ADGRV1: variants seen among roughly 807,000 people sequenced by gnomAD.
ADGRV1 encodes the protein G-protein coupled receptor 98.
ADGRV1 carries 359 observed loss-of-function variants against 596.2 expected under a neutral mutation model. That is an observed-to-expected ratio of 0.60 (90% CI 0.55 to 0.66). The LOEUF is 0.66. Ranked by LOEUF, ADGRV1 falls within the 30% of genes least tolerant of loss-of-function variation. The pLI, the probability that ADGRV1 is intolerant of heterozygous loss-of-function variation, is 0.00. For missense variants in ADGRV1, 7,274 were observed against 7,575.6 expected (o/e 0.96, Z 1.48); for synonymous variants, 2,681 against 2,679.2 (o/e 1.00, Z -0.02).
chr5:90,685,978 C>A lies in ADGRV1; in HGVS notation c.6473C>A (p.Pro2158Gln). The part of the protein sequence containing the change: ...ADVSVKFKAV[P>Q]ITAIAGEDYS... ...GTCTCTGTGAAGTTTAAAGCTGTGCCAATAACTGCAATAGCTGGTAAGAAA... is the reference window on the plus strand; with the variant it reads ...GTCTCTGTGAAGTTTAAAGCTGTGCAAATAACTGCAATAGCTGGTAAGAAA... Residue 2158 changes from proline to glutamine, a missense_variant, in exon 29 of 90, where the codon CCA becomes CAA. Pro to Gln is a moderately conservative substitution (Grantham distance 76). Around this residue, in one of 5 missense-constraint regions of ADGRV1, gnomAD observed 3,643 missense variants for 3,809.2 expected, o/e 0.96. Transcript: ENST00000405460. 6.3e-7 allele frequency: 1 copy of A among 1,580,682 alleles called. No homozygotes were observed. The highest frequency in any genetic ancestry group is 8.6e-7 in the Non-Finnish European group (1 of 1,160,240).
At chr5:90,637,995 C>G (rs910866783) in intron 11 of ADGRV1, 47 bp downstream of exon 11, 2 of 1,322,960 alleles carry the variant, frequency 1.5e-6, no homozygotes, top group Non-Finnish European at 2.1e-6. Context: ...TGTTTGAGTT[C>G]TCTTCAATAA....
chr5:90,941,551 C>A (rs1021946762), intron 83 of ADGRV1, among the ~76,000 whole-genome samples: 1 of 152,164 alleles, frequency 6.6e-6, no homozygotes, highest in Non-Finnish European at 1.5e-5. Context: ...TTAAAACCTG[C>A]TGGATGGTTT....
intron 83 of ADGRV1, among the ~76,000 whole-genome samples, chr5:90,951,737 A>C (rs1777076125): frequency 6.6e-6 from 1 of 152,198 alleles, no homozygotes; most frequent in South Asian, 2.1e-4. Context: ...ATGTTTATTC[A>C]ACAACTATAT....
chr5:91,122,807 G>T (rs1387763929), intron 87 of ADGRV1, among the ~76,000 whole-genome samples: 1 of 152,106 alleles, frequency 6.6e-6, no homozygotes, highest in Non-Finnish European at 1.5e-5. Flanking sequence ...CCCCCTCTCC[G>T]CTACTCTCTA....
At chr5:90,881,759 C>T (rs1386968400) in intron 83 of ADGRV1, among the ~76,000 whole-genome samples, 1 of 152,060 alleles carries the variant, frequency 6.6e-6, no homozygotes, top group South Asian at 2.1e-4. Flanking sequence ...AGATCTTGCT[C>T]TATTGGTCAG....
At position 90,813,132 on chromosome 5, in the gene ADGRV1, C is replaced by CAAAAAAAAAAAAAAAAAAAAAAAA. The variant is rs5869522; in HGVS notation, c.16078+1803_16078+1826dup. 1.1e-4 allele frequency among the ~76,000 whole-genome samples: 4 copies of CAAAAAAAAAAAAAAAAAAAAAAAA among 34,922 alleles called. 1 individual carries two copies. Among genetic ancestry groups the CAAAAAAAAAAAAAAAAAAAAAAAA allele is most frequent in the South Asian group, 4.0e-3 (2 of 500 alleles). 22.9% of individuals were successfully genotyped at this position (34,922 alleles called of 152,430 possible). On this transcript the variant is annotated intron_variant, in intron 74 of 89. Coordinates refer to ENST00000405460, the MANE Select transcript of ADGRV1 (RefSeq NM_032119.4). ...TGGGCGACAGAGTAAGACTCCGTCT[C>CAAAAAAAAAAAAAAAAAAAAAAAA]AAAAAAAAAAAAAAAAAAAAAAAAA... is the stretch of plus-strand genomic sequence containing the variant.
intron 50 of ADGRV1, among the ~76,000 whole-genome samples, chr5:90,739,486 G>A (rs1292845071): frequency 6.6e-6 from 1 of 152,204 alleles, no homozygotes; most frequent in Non-Finnish European, 1.5e-5. Flanking sequence ...GGTTGGGTTA[G>A]TTGGTAGTGA....
At chr5:91,105,435 A>G (rs994273826) in intron 87 of ADGRV1, among the ~76,000 whole-genome samples, 1 of 152,160 alleles carries the variant, frequency 6.6e-6, no homozygotes, top group Non-Finnish European at 1.5e-5. Context: ...TAGTGGTTGT[A>G]CTAGTTTATA....
chr5:91,039,039 A>G (rs1387231895), intron 85 of ADGRV1, among the ~76,000 whole-genome samples: 1 of 152,210 alleles, frequency 6.6e-6, no homozygotes, highest in African/African-American at 2.4e-5. Flanking sequence ...AGATATTCTG[A>G]ATATATAGTT....
intron 87 of ADGRV1, among the ~76,000 whole-genome samples, chr5:91,137,907 G>A (rs905839383): frequency 6.6e-6 from 1 of 152,184 alleles, no homozygotes; most frequent in Admixed American, 6.5e-5. Flanking sequence ...TAAATTGCTG[G>A]CTGGTTAGAA....
chr5:90,776,304 G>A (rs552114836), intron 60 of ADGRV1, 149 bp from the exon 61 acceptor site: 209 of 768,702 alleles, frequency 2.7e-4, no homozygotes, highest in Non-Finnish European at 4.2e-4. Context: ...CAGAGTCATA[G>A]GTAAAATGAG....
intron 83 of ADGRV1, among the ~76,000 whole-genome samples, chr5:90,867,991 A>G (rs1463434763): frequency 1.3e-5 from 2 of 152,150 alleles, no homozygotes; most frequent in African/African-American, 2.4e-5. Flanking sequence ...TTTTCAGTAG[A>G]ACATTTATGA....
chr5:90,982,869 A>C (rs1780196701), intron 84 of ADGRV1, among the ~76,000 whole-genome samples: 1 of 152,194 alleles, frequency 6.6e-6, no homozygotes, highest in African/African-American at 2.4e-5. Flanking sequence ...AGGGTTTGGA[A>C]AAGGGCTGCT....
At position 90,653,210 on chromosome 5, in the gene ADGRV1, T is replaced by C. The variant is rs1177279775; in HGVS notation, c.3636T>C (p.Gly1212=). 8 of 1,601,990 alleles carry C rather than the reference T, an allele frequency of 5.0e-6. No homozygotes were observed. The East Asian group carries it at 1.8e-4, about 36-fold the overall frequency. The change falls in exon 20 of 90, where the codon GGT becomes GGC. Residue 1212 remains glycine (G), a splice_region_variant and synonymous_variant. Coordinates refer to ENST00000405460, the MANE Select transcript of ADGRV1 (RefSeq NM_032119.4). ...CACTCATAAATTTTCTTGTTACAGG[T>C]GGATCCCCAGGTCCTGGGGGCCAGC... ...FYFLKLVNIS[G]GSPGPGGQLA... is the part of the protein sequence containing the mutation.
rs1036615844 is a variant in ADGRV1, at chr5:90,753,908, T to TA, written c.11377+82dup. On this transcript the variant is annotated intron_variant, in intron 54 of 89. Transcript: ENST00000405460. ...TTAATTCTAATATTTATAAGGAATGTAAATTTCTCTTTTTATATGACTTTT... is the reference window on the plus strand; with the variant it reads ...TTAATTCTAATATTTATAAGGAATGTAAAATTTCTCTTTTTATATGACTTTT... 6 of 1,347,538 alleles carry TA rather than the reference T, an allele frequency of 4.5e-6. No homozygotes were observed. In the African/African-American group the frequency reaches 7.4e-5, roughly 17 times the overall value. 83.5% of individuals were successfully genotyped at this position (1,347,538 alleles called of 1,614,324 possible).
At chr5:91,020,618 A>G (rs1385875463) in intron 85 of ADGRV1, among the ~76,000 whole-genome samples, 1 of 152,030 alleles carries the variant, frequency 6.6e-6, no homozygotes, top group African/African-American at 2.4e-5. Context: ...GCATTTGCAG[A>G]CTATGAGACA....
intron 85 of ADGRV1, among the ~76,000 whole-genome samples, chr5:91,028,377 A>T (rs1784190655): frequency 1.3e-5 from 2 of 152,118 alleles, no homozygotes; most frequent in Admixed American, 6.6e-5. Context: ...TCTGCCTCAC[A>T]GTTCTTTCTT....
chr5:91,068,539 C>A (rs1286698458), intron 85 of ADGRV1, among the ~76,000 whole-genome samples: 2 of 150,450 alleles, frequency 1.3e-5, no homozygotes, highest in African/African-American at 4.9e-5. Flanking sequence ...AAAATTGAGG[C>A]ACTCACAAAA....
rs189248411 is a variant in ADGRV1 at position 90,755,855 on chromosome 5, A to G, written c.11581-599A>G. ...GAATATATTATATGTTATTAAATAAATATGATATTATATAATGTTAGTGTT... is the reference window on the plus strand; with the variant it reads ...GAATATATTATATGTTATTAAATAAGTATGATATTATATAATGTTAGTGTT... On this transcript the variant is annotated intron_variant, in intron 55 of 89. Coordinates refer to ENST00000405460, the MANE Select transcript of ADGRV1 (RefSeq NM_032119.4). Among the ~76,000 whole-genome samples, 898 of 148,928 alleles carry G rather than the reference A, an allele frequency of 6.0e-3. 4 individuals carry two copies. The highest frequency in any genetic ancestry group is 9.7e-3 in the Non-Finnish European group (652 of 67,356).
Sources: gnomAD v4.1 joint callset for allele counts (sites outside exome capture counted in the v4.1 genomes callset) on GRCh38, gnomAD v4.1.1 for gene constraint, gnomAD v4.1.1 regional missense constraint, MANE v1.5 for transcripts, NCBI Gene and HGNC (gene_info 2026-07-23, HGNC 2026-07-21) for gene names.